Variants in FUOM observed in about 807,000 individuals in gnomAD.
FUOM encodes the protein protein fucU homolog.
FUOM carries 19 observed loss-of-function variants against 18.3 expected under a neutral mutation model. The observed-to-expected ratio is 1.04, with a 90% CI of 0.73 to 1.53. The LOEUF is 1.53. Ranked by LOEUF, FUOM falls within the 40% of genes most tolerant of loss-of-function variation. FUOM has a pLI of 0.00. For missense variants in FUOM, 210 were observed against 200.9 expected (o/e 1.04, Z -0.27); for synonymous variants, 102 against 87.9 (o/e 1.16, Z -0.90).
chr10:133,356,893 G>C (rs1463710840), intron 3 of FUOM, 50 bp downstream of exon 3: 1 of 1,532,056 alleles, frequency 6.5e-7, no homozygotes, highest in Non-Finnish European at 8.8e-7. Context: ...CCCGCAAAAG[G>C]GGAAACTGAG....
chr10:133,355,081 A>C, downstream of FUOM: 1 of 459,246 alleles, frequency 2.2e-6, no homozygotes, highest in Non-Finnish European at 3.9e-6. Context: ...CGTCAAGGGT[A>C]CGTGGGGGCC....
Position 133,355,186 on chromosome 10 carries a change from A to G in FUOM, c.*184T>C. On this transcript the variant is annotated 3_prime_UTR_variant, in exon 6 of 6. Coordinates refer to ENST00000278025, the MANE Select transcript of FUOM (RefSeq NM_001098483.3). ...GACTCTTGAGACTGAACGTTTTTCC[A>G]TCATTTTCACAAATCAGGGATACTC... is the stretch of plus-strand genomic sequence containing the variant. 1.6e-6 allele frequency: 1 copy of G among 639,968 alleles called. No homozygotes were observed. The highest frequency in any genetic ancestry group is 2.7e-6 in the Non-Finnish European group (1 of 374,274). The allele number at this position is 639,968 out of a possible 1,614,324, so 39.6% of individuals were successfully genotyped here.
chr10:133,352,896 C>T (rs539099039), downstream of FUOM, among the ~76,000 whole-genome samples: 26 of 152,348 alleles, frequency 1.7e-4, no homozygotes, highest in South Asian at 3.1e-3. Flanking sequence ...GACCGATGAC[C>T]GGGGCCCAGC....
At chr10:133,357,720 C>T (rs1848856042) in intron 1 of FUOM, 1 of 529,432 alleles carries the variant, frequency 1.9e-6, no homozygotes, top group Non-Finnish European at 3.3e-6. Context: ...GGGAGAAGCT[C>T]GGGCCGGCTC....
intron 1 of FUOM, 101 bp from the exon 2 acceptor site, chr10:133,357,356 CAA>C (rs1458866349): frequency 8.3e-7 from 1 of 1,206,236 alleles, no homozygotes; most frequent in African/African-American, 1.5e-5. Flanking sequence ...TCGTGGGTCA[CAA>C]GAGGTCTCAG....
In FUOM at chr10:133,355,751, C is replaced by G; in HGVS notation, c.385G>C (p.Val129Leu). The G allele has an allele frequency of 6.2e-7, 1 of 1,613,336 alleles. No individual in the cohort carries two copies. The highest frequency in any genetic ancestry group is 8.5e-7 in the Non-Finnish European group (1 of 1,179,990). The change falls in exon 5 of 6, where the codon GTT becomes CTT. Residue 129 changes from valine to leucine, a missense_variant. Transcript: ENST00000278025. ...FYERAKKAFAVVATGETALYG... is the reference protein window; with the variant it reads ...FYERAKKAFALVATGETALYG... ...GCTGGAACTCACCCCGTTGCCACAA[C>G]AGCAAAAGCCTTCTTAGCCCGTTCA...
chr10:133,353,695 C>T (rs1386947283), downstream of FUOM, among the ~76,000 whole-genome samples: 1 of 152,304 alleles, frequency 6.6e-6, no homozygotes, highest in South Asian at 2.1e-4. Context: ...AGAGCTGTTA[C>T]CCTGGCTTAT....
intron 4 of FUOM, among the ~76,000 whole-genome samples, chr10:133,356,133 C>T (rs1359742404): frequency 6.6e-6 from 1 of 152,194 alleles, no homozygotes; most frequent in Non-Finnish European, 1.5e-5. Flanking sequence ...GAGCCCCTGG[C>T]CCCCCTTATG....
At chr10:133,356,784 C>T (rs1273602204) in intron 3 of FUOM, 46 bp from the exon 4 acceptor site, 10 of 1,491,276 alleles carry the variant, frequency 6.7e-6, no homozygotes, top group Admixed American at 2.2e-5. Flanking sequence ...TGCCAGCCTT[C>T]CTGGTCAGGT....
At chr10:133,356,820 G>C in intron 3 of FUOM, 82 bp from the exon 4 acceptor site, 1 of 1,448,508 alleles carries the variant, frequency 6.9e-7, no homozygotes, top group Non-Finnish European at 9.3e-7. Context: ...CCCTGGTGAG[G>C]GTCAGGGCCC....
chr10:133,356,560 C>T, intron 4 of FUOM, 80 bp downstream of exon 4: 1 of 1,152,744 alleles, frequency 8.7e-7, no homozygotes, highest in Non-Finnish European at 1.2e-6. Context: ...GCTTGGGACC[C>T]TCTGTCTTTG....
At chr10:133,355,533 C>A in intron 5 of FUOM, 97 bp from the exon 6 acceptor site, 1 of 1,608,508 alleles carries the variant, frequency 6.2e-7, no homozygotes, top group Non-Finnish European at 8.5e-7. Context: ...CCCTGTCCAC[C>A]TTCACCCACT....
intron 5 of FUOM, 123 bp from the exon 6 acceptor site, chr10:133,355,559 T>C (rs1464011318): frequency 4.3e-6 from 7 of 1,609,506 alleles, no homozygotes; most frequent in Non-Finnish European, 5.9e-6. Context: ...CTCAGGCAAA[T>C]GGGGGCCCTG....
chr10:133,355,503 C>T (rs1205727808), intron 5 of FUOM, 67 bp from the exon 6 acceptor site: 9 of 1,606,390 alleles, frequency 5.6e-6, no homozygotes, highest in Non-Finnish European at 7.6e-6. Flanking sequence ...CCTGCTTCAG[C>T]ATCTGGGGGA....
rs747453752 is a variant in FUOM, at chr10:133,355,772, G to A, written c.364C>T (p.Arg122Trp). The A allele has an allele frequency of 1.5e-5, 24 of 1,613,140 alleles. No individual in the cohort carries two copies. The highest frequency in any genetic ancestry group is 8.9e-5 in the East Asian group (4 of 44,886). The change falls in exon 5 of 6, where the codon CGG becomes TGG. Residue 122 changes from arginine to tryptophan, a missense_variant. Coordinates refer to ENST00000278025, the MANE Select transcript of FUOM (RefSeq NM_001098483.3). ...ACAACAGCAAAAGCCTTCTTAGCCCGTTCATAAAACTCAAACCTCTCTATC... is the reference window on the plus strand; with the variant it reads ...ACAACAGCAAAAGCCTTCTTAGCCCATTCATAAAACTCAAACCTCTCTATC... ...AKIERFEFYE[R>W]AKKAFAVVAT... is the part of the protein sequence containing the mutation.
In FUOM at chr10:133,357,972, G is replaced by C. The variant is rs755721536; in HGVS notation, c.36C>G (p.Ser12=). 6.6e-7 allele frequency: 1 copy of C among 1,521,994 alleles called. No homozygotes were observed. Among genetic ancestry groups the C allele is most frequent in the Non-Finnish European group, 8.8e-7 (1 of 1,139,108 alleles). 94.3% of individuals were successfully genotyped at this position (1,521,994 alleles called of 1,614,324 possible). A position where few individuals can be genotyped will look rare whatever the true frequency, so the allele number is the denominator to read the frequency against. ...GCGCCAGCGCGTAGAGCAGCTCGGG[G>C]GACAGCAGTGCGGGGACACCCTTCA... ...VALKGVPALL[S]PELLYALARM... Residue 12 remains serine, a synonymous_variant, in exon 1 of 6, where the codon TCC becomes TCG. Transcript: ENST00000278025.
downstream of FUOM, chr10:133,355,082 C>T (rs1008659667): frequency 3.2e-5 from 15 of 473,142 alleles, no homozygotes; most frequent in Middle Eastern, 5.6e-4. Flanking sequence ...GTCAAGGGTA[C>T]GTGGGGGCCA....
chr10:133,355,394 C>A lies in FUOM; in HGVS notation c.441G>T (p.Val147=). The change falls in exon 6 of 6, where the codon GTG becomes GTT. Residue 147 remains valine (V), a synonymous_variant. Transcript: ENST00000278025. ...CCTACAGCAGGGGGTTGAGGGCAAGCACCCCCTTCCTGAGGATGAGGTTTC... is the reference window on the plus strand; with the variant it reads ...CCTACAGCAGGGGGTTGAGGGCAAGAACCCCCTTCCTGAGGATGAGGTTTC... ...LYGNLILRKG[V]LALNPLL is the part of the protein sequence containing the mutation. 6.2e-7 allele frequency: 1 copy of A among 1,608,554 alleles called. No individual in the cohort carries two copies. Among genetic ancestry groups the A allele is most frequent in the South Asian group, 1.1e-5 (1 of 90,536 alleles).
intron 4 of FUOM, among the ~76,000 whole-genome samples, 186 bp downstream of exon 4, chr10:133,356,454 A>G (rs1488800941): frequency 6.6e-6 from 1 of 152,212 alleles, no homozygotes; most frequent in Admixed American, 6.5e-5. Context: ...AAGAGGGGCC[A>G]CACTGCCCAG....
Sources: gnomAD v4.1 joint callset for allele counts (sites outside exome capture counted in the v4.1 genomes callset) on GRCh38, gnomAD v4.1.1 for gene constraint, MANE v1.5 for transcripts, NCBI Gene and HGNC (gene_info 2026-07-23, HGNC 2026-07-21) for gene names.